CCDC171: variants seen among roughly 807,000 people sequenced by gnomAD.
CCDC171 encodes the protein coiled-coil domain containing 171.
A neutral mutation model predicts 168.2 loss-of-function variants in CCDC171; 177 were observed. The observed-to-expected ratio is 1.05, with a 90% CI of 0.93 to 1.19. CCDC171 has a LOEUF of 1.19. CCDC171 is among the 50% of genes most tolerant of loss of function. The pLI is 0.00. For synonymous variants in CCDC171, 687 were observed against 540.8 expected (o/e 1.27, Z -3.75); for missense variants, 1,991 against 1,539.0 (o/e 1.29, Z -4.91).
chr9:16,009,393 A>G (rs1407234927), intron 3 of CCDC171, among the ~76,000 whole-genome samples: 1 of 152,226 alleles, frequency 6.6e-6, no homozygotes, highest in Non-Finnish European at 1.5e-5. Flanking sequence ...AGTATACCAC[A>G]GTTGTTTTTC....
intron 21 of CCDC171, among the ~76,000 whole-genome samples, chr9:15,813,491 G>A (rs1242306855): frequency 6.6e-6 from 1 of 152,032 alleles, no homozygotes; most frequent in Non-Finnish European, 1.5e-5. Flanking sequence ...TAATATAAGG[G>A]TAAAGCTCCC....
the CCDC171 span, among the ~76,000 whole-genome samples, chr9:16,085,420 C>T: frequency 6.6e-6 from 1 of 152,236 alleles, no homozygotes; most frequent in African/African-American, 2.4e-5. Context: ...CCTGAAGTCA[C>T]TGTAATTTCA....
intron 6 of CCDC171, among the ~76,000 whole-genome samples, chr9:15,608,237 G>A (rs2043366384): frequency 6.6e-6 from 1 of 152,130 alleles, no homozygotes; most frequent in Admixed American, 6.5e-5. Context: ...CTGTCACATG[G>A]GGGATTACAT....
At chr9:15,592,353 A>T (rs971918324) in intron 5 of CCDC171, among the ~76,000 whole-genome samples, 4 of 151,956 alleles carry the variant, frequency 2.6e-5, no homozygotes, top group Non-Finnish European at 5.9e-5. Flanking sequence ...CCAAAAAAGC[A>T]AAAAAACAAA....
At chr9:15,699,645 A>G (rs894419731) in intron 11 of CCDC171, among the ~76,000 whole-genome samples, 8 of 152,058 alleles carry the variant, frequency 5.3e-5, no homozygotes, top group African/African-American at 1.9e-4. Context: ...CAGAGTAGCT[A>G]GATACAGAGT....
chr9:15,792,622 C>T (rs1588526820), intron 21 of CCDC171, among the ~76,000 whole-genome samples: 1 of 152,168 alleles, frequency 6.6e-6, no homozygotes, highest in Non-Finnish European at 1.5e-5. Context: ...AACAGCGGAT[C>T]TCTCGGCAGA....
Position 15,857,670 on chromosome 9 carries a change from C to T in CCDC171, c.3468+8723C>T, listed in dbSNP as rs550491176. 7.9e-5 allele frequency among the ~76,000 whole-genome samples: 12 copies of T among 152,008 alleles called. No homozygotes were observed. In the East Asian group the frequency reaches 2.3e-3, roughly 30 times the overall value. On this transcript the variant is annotated intron_variant, in intron 23 of 25. Transcript: ENST00000380701. The stretch of plus-strand genomic sequence containing the variant: ...ACTCCTGTCCTCAAGTTATCCACCC[C>T]ACCTCGGCCTCAGAAAGTGCTGGGA...
At chr9:15,917,000 T>C (rs761184928) in intron 24 of CCDC171, among the ~76,000 whole-genome samples, 3 of 151,996 alleles carry the variant, frequency 2.0e-5, no homozygotes, top group Non-Finnish European at 4.4e-5. Context: ...GTTTTGTCAT[T>C]GTTTCCTAAT....
intron 25 of CCDC171, among the ~76,000 whole-genome samples, chr9:15,923,298 T>C (rs1187560129): frequency 6.6e-6 from 1 of 151,346 alleles, no homozygotes; most frequent in Non-Finnish European, 1.5e-5. Context: ...ATAGTATATA[T>C]ACATAATAAA....
chr9:15,679,552 T>C (rs755585583), intron 10 of CCDC171, among the ~76,000 whole-genome samples: 5 of 152,174 alleles, frequency 3.3e-5, no homozygotes, highest in Admixed American at 6.6e-5. Context: ...TACACACATC[T>C]TTTCTTTTCT....
At chr9:15,734,471 G>A (rs2054354381) in intron 16 of CCDC171, among the ~76,000 whole-genome samples, 1 of 152,180 alleles carries the variant, frequency 6.6e-6, no homozygotes, top group Non-Finnish European at 1.5e-5. Flanking sequence ...CCAGGAGGCA[G>A]AGGTTGCAAT....
At position 15,594,129 on chromosome 9, in the gene CCDC171, A is replaced by G. The variant is rs780553989; in HGVS notation, c.632A>G (p.Glu211Gly). 2 of 1,491,226 alleles carry G rather than the reference A, an allele frequency of 1.3e-6. No individual in the cohort carries two copies. The highest frequency in any genetic ancestry group is 1.9e-6 in the Non-Finnish European group (2 of 1,073,042). 92.4% of individuals were successfully genotyped at this position (1,491,226 alleles called of 1,614,324 possible). Residue 211 changes from glutamate to glycine, a missense_variant, in exon 6 of 26, where the codon GAA becomes GGA. Coordinates refer to ENST00000380701, the MANE Select transcript of CCDC171 (RefSeq NM_173550.4). Reference sequence around the variant, plus strand: ...TTGGAGGAGTTTAGATTACAAGAAGAACAATGGGAAGCAGAAAGAAGAGAA... The same window carrying G: ...TTGGAGGAGTTTAGATTACAAGAAGGACAATGGGAAGCAGAAAGAAGAGAA... ...TALEEFRLQE[E>G]QWEAERRELQ...
intron 7 of CCDC171, among the ~76,000 whole-genome samples, chr9:15,637,025 G>A (rs907408066): frequency 5.3e-5 from 8 of 152,106 alleles, no homozygotes; most frequent in African/African-American, 1.7e-4. Flanking sequence ...GGAGGCTGAG[G>A]TGGGCCTATC....
intron 25 of CCDC171, among the ~76,000 whole-genome samples, chr9:15,947,032 CA>C (rs1828483856): frequency 6.6e-6 from 1 of 151,860 alleles, no homozygotes; most frequent in Non-Finnish European, 1.5e-5. Context: ...AATAAAATTA[CA>C]TTCATTTAGA....
At chr9:15,963,510 G>A (rs1016854092) in intron 25 of CCDC171, among the ~76,000 whole-genome samples, 10 of 152,132 alleles carry the variant, frequency 6.6e-5, no homozygotes, top group Non-Finnish European at 1.2e-4. Flanking sequence ...TTGTCTTCCA[G>A]AAAGGTTGCA....
At chr9:15,777,137 A>G (rs1310386376) in intron 18 of CCDC171, among the ~76,000 whole-genome samples, 2 of 152,228 alleles carry the variant, frequency 1.3e-5, no homozygotes, top group Non-Finnish European at 2.9e-5. Flanking sequence ...TAAGTCCATT[A>G]TATGAGAAGG....
At chr9:15,675,613 A>T (rs1487652076) in intron 9 of CCDC171, among the ~76,000 whole-genome samples, 2 of 152,130 alleles carry the variant, frequency 1.3e-5, no homozygotes, top group Non-Finnish European at 2.9e-5. Flanking sequence ...AAAGGATTTT[A>T]TTTCTCCTTC....
At chr9:15,902,101 T>A (rs1013432062) in intron 24 of CCDC171, among the ~76,000 whole-genome samples, 1 of 152,130 alleles carries the variant, frequency 6.6e-6, no homozygotes, top group African/African-American at 2.4e-5. Context: ...ACATACTCTG[T>A]CACTTCAAGG....
intron 7 of CCDC171, among the ~76,000 whole-genome samples, chr9:15,637,575 C>T (rs969270064): frequency 6.6e-6 from 1 of 150,406 alleles, no homozygotes; most frequent in African/African-American, 2.4e-5. Flanking sequence ...CCCATTAACT[C>T]GTCATTTAGC....
Sources: gnomAD v4.1 joint callset for allele counts (sites outside exome capture counted in the v4.1 genomes callset) on GRCh38, gnomAD v4.1.1 for gene constraint, MANE v1.5 for transcripts, NCBI Gene and HGNC (gene_info 2026-07-23, HGNC 2026-07-21) for gene names.